Variants in GAN observed in about 807,000 individuals in gnomAD.
GAN encodes the protein gigaxonin.
In GAN, 48 loss-of-function variants were observed where a neutral mutation model predicts 71.3. The observed-to-expected ratio is 0.67, with a 90% CI of 0.53 to 0.86. The LOEUF (loss-of-function observed/expected upper bound fraction) is 0.86. GAN is among the 40% of genes least tolerant of loss of function. The probability of loss-of-function intolerance (pLI) is 0.00; values close to 1 mark genes in which losing one functional copy is unlikely to be tolerated. For synonymous variants in GAN, 386 were observed against 276.8 expected (o/e 1.39, Z -3.92); for missense variants, 928 against 770.1 (o/e 1.21, Z -2.43).
At position 81,365,064 on chromosome 16, in the gene GAN, C is replaced by T. The variant is rs150043237; in HGVS notation, c.1327C>T (p.Pro443Ser). The part of the protein sequence containing the change: ...KLFESVECYD[P>S]RTQQWTAICP... ...TTTTGAGTCTGTAGAGTGTTATGATCCCAGGACCCAGCAGTGGACTGCCAT... is the reference window on the plus strand; with the variant it reads ...TTTTGAGTCTGTAGAGTGTTATGATTCCAGGACCCAGCAGTGGACTGCCAT... The change falls in exon 8 of 11, where the codon CCC becomes TCC. Residue 443 changes from proline to serine, a missense_variant. By Grantham distance (74) the Pro-to-Ser change is moderately conservative. Transcript: ENST00000648994. The T allele has an allele frequency of 1.9e-6, 3 of 1,613,802 alleles. No homozygotes were observed. Among genetic ancestry groups the T allele is most frequent in the Non-Finnish European group, 2.5e-6 (3 of 1,179,752 alleles).
intron 9 of GAN, among the ~76,000 whole-genome samples, chr16:81,373,974 T>G (rs1441779312): frequency 1.3e-5 from 2 of 152,166 alleles, no homozygotes; most frequent in Non-Finnish European, 2.9e-5. Context: ...ATCTCTTGAC[T>G]TCGTGATCCA....
rs1904301550 is a variant in GAN at position 81,380,894 on chromosome 16, T to C, written c.*3298T>C. The stretch of plus-strand genomic sequence containing the variant: ...TGTTTAGCTTAGTACTTCATTGCTG[T>C]AAGGAATTGATAGCTAACTGTAGGC... On this transcript the variant is annotated 3_prime_UTR_variant, in exon 11 of 11. Coordinates refer to ENST00000648994, the MANE Select transcript of GAN (RefSeq NM_022041.4). The C allele has an allele frequency of 6.6e-6, 1 of 152,218 alleles. No individual in the cohort carries two copies. The allele number at this position is 152,218 out of a possible 1,614,324, so 9.4% of individuals were successfully genotyped here.
chr16:81,364,738 G>C (rs570773232), intron 7 of GAN, among the ~76,000 whole-genome samples: 1 of 152,286 alleles, frequency 6.6e-6, no homozygotes, highest in Admixed American at 6.5e-5. Context: ...TTCAGTTAGT[G>C]AAATAGTATC....
chr16:81,336,834 A>G (rs1233701964), intron 1 of GAN, among the ~76,000 whole-genome samples: 1 of 152,096 alleles, frequency 6.6e-6, no homozygotes, highest in Non-Finnish European at 1.5e-5. Context: ...AAGTACAAAT[A>G]TATCCCCTTT....
intron 9 of GAN, chr16:81,371,994 C>G (rs1340296421): frequency 6.6e-6 from 1 of 152,240 alleles, no homozygotes; most frequent in East Asian, 1.9e-4. Context: ...AAGCAGACGC[C>G]TCACTACAGC....
intron 1 of GAN, among the ~76,000 whole-genome samples, chr16:81,318,208 G>A (rs1224074312): frequency 1.3e-5 from 2 of 152,174 alleles, no homozygotes; most frequent in South Asian, 4.1e-4. Context: ...TTTCCCTTTT[G>A]AAACTTAAGC....
chr16:81,329,012 G>A (rs7184259), intron 1 of GAN, among the ~76,000 whole-genome samples: 143,825 of 152,210 alleles, frequency 0.94, 67,995 homozygotes, highest in Middle Eastern at 0.98. Context: ...AAATCTGGGC[G>A]TAAAATCTTT....
rs1466976809 is a variant in GAN, at chr16:81,386,331, C to A, written c.*8735C>A. 2.6e-5 allele frequency: 4 copies of A among 151,954 alleles called. No homozygotes were observed. Among genetic ancestry groups the A allele is most frequent in the African/African-American group, 9.7e-5 (4 of 41,336 alleles). The allele number at this position is 151,954 out of a possible 1,614,324, so 9.4% of individuals were successfully genotyped here. A position where few individuals can be genotyped will look rare whatever the true frequency, so the allele number is the denominator to read the frequency against. ...TAATTCCTAGATCTCTGTTTTAGAC[C>A]AGTAGACCTAACTGTGCTTTCTTAA... On this transcript the variant is annotated 3_prime_UTR_variant, in exon 11 of 11. Coordinates refer to ENST00000648994, the MANE Select transcript of GAN (RefSeq NM_022041.4).
At chr16:81,348,323 C>T (rs1320655210) in intron 1 of GAN, among the ~76,000 whole-genome samples, 2 of 152,162 alleles carry the variant, frequency 1.3e-5, no homozygotes, top group Non-Finnish European at 2.9e-5. Flanking sequence ...TGTCTTTTCC[C>T]TCTGGGAAGA....
intron 1 of GAN, among the ~76,000 whole-genome samples, chr16:81,323,200 C>G (rs1597388513): frequency 6.6e-6 from 1 of 152,104 alleles, no homozygotes; most frequent in African/African-American, 2.4e-5. Context: ...AGATAAGAGA[C>G]TTCTCTCGGG....
chr16:81,353,465 C>T (rs1910373718), intron 2 of GAN, among the ~76,000 whole-genome samples: 4 of 152,116 alleles, frequency 2.6e-5, no homozygotes, highest in Admixed American at 2.6e-4. Flanking sequence ...AACATTTTCC[C>T]CTACTTGTGG....
At chr16:81,325,204 G>T (rs539341690) in intron 1 of GAN, among the ~76,000 whole-genome samples, 2 of 152,348 alleles carry the variant, frequency 1.3e-5, no homozygotes, top group South Asian at 4.1e-4. Flanking sequence ...TTACAGCTTA[G>T]TTGTGAAAAA....
At chr16:81,334,207 T>C (rs1018220001) in intron 1 of GAN, among the ~76,000 whole-genome samples, 2 of 152,190 alleles carry the variant, frequency 1.3e-5, no homozygotes, top group African/African-American at 4.8e-5. Context: ...TGATGTGATA[T>C]CAAGAGGAGA....
At chr16:81,319,206 T>TTA (rs57681055) in intron 1 of GAN, among the ~76,000 whole-genome samples, 2,322 of 138,594 alleles carry the variant, frequency 0.017, 63 homozygotes, top group African/African-American at 0.057. Context: ...TAGATATAGA[T>TTA]TATATATATA....
At position 81,364,977 on chromosome 16, in the gene GAN, G is replaced by A. The variant is rs200710995; in HGVS notation, c.1240G>A (p.Gly414Ser). Residue 414 changes from glycine (G) to serine (S), a missense_variant, in exon 8 of 11, where the codon GGC (glycine) becomes AGC (serine). Transcript: ENST00000648994. ...QPDLTMVRKI[G>S]CYAAMKKKIY... is the part of the protein sequence containing the mutation. ...CACCATTGTTCTCTGCTTTCAGATC[G>A]GCTGCTATGCAGCTATGAAAAAGAA... is the stretch of plus-strand genomic sequence containing the variant. 9.2e-5 allele frequency: 149 copies of A among 1,613,832 alleles called. No homozygotes were observed. Among genetic ancestry groups the A allele is most frequent in the South Asian group, 2.2e-5 (2 of 91,080 alleles).
intron 1 of GAN, among the ~76,000 whole-genome samples, chr16:81,333,767 T>C (rs913230167): frequency 6.6e-6 from 1 of 152,234 alleles, no homozygotes; most frequent in Admixed American, 6.5e-5. Context: ...AGAGGCTAGC[T>C]ACACAAAACA....
intron 1 of GAN, among the ~76,000 whole-genome samples, chr16:81,328,138 G>C (rs1043353001): frequency 3.3e-5 from 5 of 152,160 alleles, no homozygotes; most frequent in Admixed American, 3.3e-4. Flanking sequence ...CTTTCAAAAT[G>C]ACGCGAACTA....
chr16:81,333,888 C>T (rs781606278), intron 1 of GAN, among the ~76,000 whole-genome samples: 5 of 152,214 alleles, frequency 3.3e-5, no homozygotes, highest in African/African-American at 7.2e-5. Context: ...TAGTTGTGCA[C>T]GTCCACAATC....
chr16:81,340,508 C>A (rs1267934798), intron 1 of GAN, among the ~76,000 whole-genome samples: 3 of 152,100 alleles, frequency 2.0e-5, no homozygotes, highest in Non-Finnish European at 2.9e-5. Context: ...CTGGAATGGA[C>A]CTCCAGCAAA....
Sources: gnomAD v4.1 joint callset for allele counts (sites outside exome capture counted in the v4.1 genomes callset) on GRCh38, gnomAD v4.1.1 for gene constraint, MANE v1.5 for transcripts, NCBI Gene and HGNC (gene_info 2026-07-23, HGNC 2026-07-21) for gene names.